MXRA5: variants seen among roughly 807,000 people sequenced by gnomAD.
MXRA5 encodes matrix remodeling associated 5.
A neutral mutation model predicts 112.5 loss-of-function variants in MXRA5; 41 were observed. The observed-to-expected ratio is 0.36, with a 90% CI of 0.28 to 0.47. MXRA5 has a LOEUF of 0.47. MXRA5 is among the 20% of genes least tolerant of loss of function. The probability of loss-of-function intolerance (pLI) is 0.99; values close to 1 mark genes in which losing one functional copy is unlikely to be tolerated. For missense variants in MXRA5, 2,150 were observed against 2,251.0 expected (o/e 0.96, Z 0.91); for synonymous variants, 862 against 900.8 (o/e 0.96, Z 0.77).
At chrX:3,339,212 C>T (rs377086688) in intron 2 of MXRA5, among the ~76,000 whole-genome samples, 2 of 110,860 alleles carry the variant, frequency 1.8e-5, no homozygotes, top group East Asian at 5.7e-4. Flanking sequence ...AGCTCAGAAA[C>T]CTGCCTGACC....
Position 3,330,209 on chromosome X carries a change from G to A in MXRA5, c.518C>T (p.Thr173Met), listed in dbSNP as rs1366261153. The A allele has an allele frequency of 8.3e-7, 1 of 1,209,909 alleles. No homozygotes were observed. Among genetic ancestry groups the A allele is most frequent in the South Asian group, 1.8e-5 (1 of 56,590 alleles). The change falls in exon 4 of 7, where the codon ACG becomes ATG. Residue 173 changes from threonine to methionine, a missense_variant. Coordinates refer to ENST00000217939, the MANE Select transcript of MXRA5 (RefSeq NM_015419.4). ...TCTGAAATAATCCAAAAATGTGAAC[G>A]TGGAGAAGGTGCTGGGGTGCAGCTG... Reference protein sequence around the residue: ...LHQLHPSTFSTFTFLDYFRLS... With the variant: ...LHQLHPSTFSMFTFLDYFRLS...
intron 6 of MXRA5, among the ~76,000 whole-genome samples, chrX:3,313,610 G>C (rs1921022625): frequency 8.9e-6 from 1 of 112,535 alleles, no homozygotes; most frequent in Non-Finnish European, 1.9e-5. Flanking sequence ...TTGACAAAAT[G>C]CACATGGTTT....
rs1921077005 is a variant in MXRA5 at position 3,315,373 on chromosome X, A to AAGGATGGATAGATGATGG, written c.6578+1729_6578+1730insCCATCATCTATCCATCCT. Among the ~76,000 whole-genome samples, 31 of 48,220 alleles carry AAGGATGGATAGATGATGG rather than the reference A, an allele frequency of 6.4e-4. 4 individuals carry two copies. Among genetic ancestry groups the AAGGATGGATAGATGATGG allele is most frequent in the Middle Eastern group, 8.9e-3 (1 of 112 alleles). The allele number at this position is 48,220 out of a possible 115,157, so 41.9% of individuals were successfully genotyped here. On this transcript the variant is annotated intron_variant, in intron 6 of 6. Coordinates refer to ENST00000217939, the MANE Select transcript of MXRA5 (RefSeq NM_015419.4). ...GATAGATAGATAGATAGATAGATAGAATAGATAGATAGATAGATGATAGAT... is the reference window on the plus strand; with the variant it reads ...GATAGATAGATAGATAGATAGATAGAAGGATGGATAGATGATGGATAGATAGATAGATAGATGATAGAT...
At chrX:3,344,430 C>T (rs758659234) in intron 1 of MXRA5, among the ~76,000 whole-genome samples, 4 of 111,322 alleles carry the variant, frequency 3.6e-5, no homozygotes, top group African/African-American at 1.3e-4. Context: ...ATTTACTATC[C>T]TTATGTTTTT....
chrX:3,327,159 A>G (rs922397432), intron 4 of MXRA5, among the ~76,000 whole-genome samples: 1 of 110,378 alleles, frequency 9.1e-6, no homozygotes, highest in African/African-American at 3.3e-5. Context: ...ATACTGCTTC[A>G]TCTATGACTT....
At chrX:3,316,853 T>C (rs1456015412) in intron 6 of MXRA5, among the ~76,000 whole-genome samples, 1 of 109,412 alleles carries the variant, frequency 9.1e-6, no homozygotes, top group Non-Finnish European at 1.9e-5. Context: ...TTTTTGTATG[T>C]TTATTAGAGA....
chrX:3,315,373 A>ATAGATAGATAGATAGATG (rs774517413), intron 6 of MXRA5, among the ~76,000 whole-genome samples: 22 of 48,227 alleles, frequency 4.6e-4, no homozygotes, highest in African/African-American at 1.9e-3. Flanking sequence ...AGATAGATAG[A>ATAGATAGATAGATAGATG]ATAGATAGAT....
At chrX:3,316,077 G>GAT (rs1488669750) in intron 6 of MXRA5, among the ~76,000 whole-genome samples, 1 of 74,397 alleles carries the variant, frequency 1.3e-5, no homozygotes, top group Non-Finnish European at 2.4e-5. Context: ...CACACACTGG[G>GAT]GCCGGGCGCG....
At chrX:3,339,089 G>A (rs1346603780) in intron 2 of MXRA5, among the ~76,000 whole-genome samples, 1 of 110,718 alleles carries the variant, frequency 9.0e-6, no homozygotes, top group Non-Finnish European at 1.9e-5. Context: ...CAACTATCAA[G>A]GTGGAGAAGA....
Position 3,324,778 on chromosome X carries a change from C to A in MXRA5, c.907G>T (p.Gly303Cys). 1 of 1,208,199 alleles carries A rather than the reference C, an allele frequency of 8.3e-7. No homozygotes were observed. Among genetic ancestry groups the A allele is most frequent in the Non-Finnish European group, 1.1e-6 (1 of 894,294 alleles). Residue 303 changes from glycine to cysteine, a missense_variant, in exon 5 of 7, where the codon GGC (glycine) becomes TGC (cysteine). Physicochemically the swap from Gly to Cys is radical, Grantham distance 159. Coordinates refer to ENST00000217939, the MANE Select transcript of MXRA5 (RefSeq NM_015419.4). ...AATTTCTCCAGGATGAGCTGGCTGC[C>A]ACCATCCTCTTCCTGTTCTTGCTCC... ...EEEQEQEEDG[G>C]SQLILEKFQL...
chrX:3,311,307 T>C lies in MXRA5; in HGVS notation c.6896A>G (p.Lys2299Arg). ...CCCATTGTTGAAGACGACATAGCGC[T>C]TGGTGCGTCCACCGCTGTCATCCGA... ...MQSDDSGGRT[K>R]RYVVFNNGTL... The change falls in exon 7 of 7, where the codon AAG becomes AGG. Residue 2299 changes from lysine to arginine, a missense_variant. Physicochemically the swap from Lys to Arg is conservative, Grantham distance 26. This residue lies in a region of MXRA5 where 1,485 missense variants were observed against 1,471.6 expected (regional missense o/e 1.01). Transcript: ENST00000217939. 8.3e-7 allele frequency: 1 copy of C among 1,211,786 alleles called. No individual in the cohort carries two copies. The highest frequency in any genetic ancestry group is 1.1e-6 in the Non-Finnish European group (1 of 895,504).
chrX:3,338,381 A>C (rs1036659822), intron 2 of MXRA5, among the ~76,000 whole-genome samples: 5 of 111,294 alleles, frequency 4.5e-5, no homozygotes, highest in African/African-American at 1.6e-4. Context: ...AAATAGATAG[A>C]TAGATAGACA....
At chrX:3,344,990 G>C (rs907794424) in intron 1 of MXRA5, among the ~76,000 whole-genome samples, 7 of 110,821 alleles carry the variant, frequency 6.3e-5, no homozygotes, top group Non-Finnish European at 1.1e-4. Context: ...AAAATTAGCT[G>C]GGCGTGGTGG....
chrX:3,324,214 C>G lies in MXRA5; in HGVS notation c.1471G>C (p.Val491Leu). 2.5e-6 allele frequency: 3 copies of G among 1,211,758 alleles called. No individual in the cohort carries two copies. Among genetic ancestry groups the G allele is most frequent in the Non-Finnish European group, 3.4e-6 (3 of 895,498 alleles). Residue 491 changes from valine (V) to leucine (L), a missense_variant, in exon 5 of 7, where the codon GTC (valine) becomes CTC (leucine). Transcript: ENST00000217939. ...AACTGGCATGGACCCCCTTCCAGGA[C>G]AGTCTGATCTCTTTGCACAGCTCCA... is the stretch of plus-strand genomic sequence containing the variant. ...PSGAVQRDQTVLEGGPCQLSC... is the reference protein window; with the variant it reads ...PSGAVQRDQTLLEGGPCQLSC...
At chrX:3,315,343 TA>T (rs376420954) in intron 6 of MXRA5, among the ~76,000 whole-genome samples, 5,199 of 48,986 alleles carry the variant, frequency 0.11, 707 homozygotes, top group Middle Eastern at 0.22. Flanking sequence ...TATAGATAGA[TA>T]GATGATAGAT....
chrX:3,317,066 C>T (rs773298291), intron 6 of MXRA5, 37 bp downstream of exon 6: 2 of 1,103,973 alleles, frequency 1.8e-6, no homozygotes, highest in Admixed American at 3.3e-5. Flanking sequence ...GGGCCACCAG[C>T]CCAGCGATTT....
At chrX:3,344,956 TACAAACAA>T (rs150505334) in intron 1 of MXRA5, among the ~76,000 whole-genome samples, 7 of 108,733 alleles carry the variant, frequency 6.4e-5, no homozygotes, top group Non-Finnish European at 1.3e-4. Flanking sequence ...CTACTAAAAA[TACAAACAA>T]ACAAACAAAC....
At position 3,309,474 on chromosome X, in the gene MXRA5, A is replaced by C. The variant is rs1920965350; in HGVS notation, c.*242T>G. On this transcript the variant is annotated 3_prime_UTR_variant, in exon 7 of 7. Transcript: ENST00000217939. ...AGTCAGAGCACAGACACCCTGAATG[A>C]AGCCCCTGGCATGATGTAAACACAA... The C allele has an allele frequency of 2.5e-6, 1 of 392,232 alleles. No individual in the cohort carries two copies. The highest frequency in any genetic ancestry group is 2.5e-5 in the African/African-American group (1 of 39,344). The allele number at this position is 392,232 out of a possible 1,213,427, so 32.3% of individuals were successfully genotyped here.
Position 3,330,423 on chromosome X carries a change from GAAAAC to G in MXRA5, c.319-20_319-16del, listed in dbSNP as rs746760084. ...AACTTGAAAACCTGCAAGGACAGGG[GAAAAC>G]AAAACAAAACAAAAGGATCCTGTTT... On this transcript the variant is annotated splice_polypyrimidine_tract_variant and intron_variant, in intron 3 of 6. Coordinates refer to ENST00000217939, the MANE Select transcript of MXRA5 (RefSeq NM_015419.4). 2.6e-6 allele frequency: 3 copies of G among 1,174,742 alleles called. No individual in the cohort carries two copies. The highest frequency in any genetic ancestry group is 5.2e-5 in the Admixed American group (2 of 38,827).
Sources: allele counts gnomAD v4.1 joint callset (sites outside exome capture counted in the v4.1 genomes callset), GRCh38; gene constraint gnomAD v4.1.1; regional missense constraint gnomAD v4.1.1; transcripts MANE v1.5; gene names NCBI Gene and HGNC (gene_info 2026-07-23, HGNC 2026-07-21).